LRMDA: variants seen among roughly 807,000 people sequenced by gnomAD.
LRMDA encodes leucine-rich melanocyte differentiation-associated protein.
Under a neutral mutation model 29.8 loss-of-function variants are expected in LRMDA, and 18 were observed. The observed-to-expected ratio is 0.60, with a 90% confidence interval of 0.42 to 0.90. The LOEUF (loss-of-function observed/expected upper bound fraction) is 0.90, where lower values mean the gene tolerates loss of function less well. Among genes scored for constraint, LRMDA ranks in the 40% least tolerant of loss-of-function variants. The pLI is 0.00. For missense variants in LRMDA, 273 were observed against 273.9 expected, an observed-to-expected ratio of 1.00 and a Z score of 0.02; for synonymous variants, 125 against 109.4, an observed-to-expected ratio of 1.14 and a Z score of -0.89.
Position 75,537,795 on chromosome 10 carries a change from CCTCCTT to C in LRMDA, c.131+99302_131+99307del, listed in dbSNP as rs1367591854. Among the ~76,000 whole-genome samples, 10 of 152,298 alleles carry C rather than the reference CCTCCTT, an allele frequency of 6.6e-5. No individual in the cohort carries two copies. The South Asian group carries it at 2.1e-3, about 32-fold the overall frequency. The stretch of plus-strand genomic sequence containing the variant: ...TTTAATCACTCCTATCTGTTTTTCC[CCTCCTT>C]TCTAGAGATGTTCCATACTTCTCAA... On this transcript the variant is annotated intron_variant, in intron 2 of 6. Coordinates refer to ENST00000611255, the MANE Select transcript of LRMDA (RefSeq NM_001305581.2).
rs143739888 is a variant in LRMDA at position 75,841,608 on chromosome 10, GT to G, written c.132-194399del. Among the ~76,000 whole-genome samples the G allele has an allele frequency of 9.3e-3, 1,411 of 152,298 alleles. 50 individuals carry two copies. The highest frequency in any genetic ancestry group is 0.083 in the East Asian group (428 of 5,180). Reference sequence around the variant, plus strand: ...AAGACTTACCTGTGAATGAGGTCTGGTGGTAACTTATGTTCAAGCCTGGTGA... The same window carrying G: ...AAGACTTACCTGTGAATGAGGTCTGGGGTAACTTATGTTCAAGCCTGGTGA... On this transcript the variant is annotated intron_variant, in intron 2 of 6. Coordinates refer to ENST00000611255, the MANE Select transcript of LRMDA (RefSeq NM_001305581.2).
chr10:76,549,041 A>G (rs1329617285), intron 6 of LRMDA, among the ~76,000 whole-genome samples: 1 of 152,284 alleles, frequency 6.6e-6, no homozygotes, highest in Non-Finnish European at 1.5e-5. Flanking sequence ...CCACTGACAG[A>G]TTATATGACA....
At chr10:76,246,331 A>G (rs1316384240) in intron 5 of LRMDA, among the ~76,000 whole-genome samples, 1 of 152,242 alleles carries the variant, frequency 6.6e-6, no homozygotes, top group Non-Finnish European at 1.5e-5. Flanking sequence ...ATCAGAGATC[A>G]GGTTTCTAAC....
In LRMDA at chr10:76,436,516, G is replaced by T. The variant is rs982871375; in HGVS notation, c.601+112031G>T. Among the ~76,000 whole-genome samples, 4 of 152,142 alleles carry T rather than the reference G, an allele frequency of 2.6e-5. No homozygotes were observed. The East Asian group carries it at 7.7e-4, about 29-fold the overall frequency. ...TACGGGTTTCAAAGTGAACCCTTGT[G>T]CAGGGAGGTGTGGCACTCCCTGTGC... On this transcript the variant is annotated intron_variant, in intron 6 of 6. Coordinates refer to ENST00000611255, the MANE Select transcript of LRMDA (RefSeq NM_001305581.2).
chr10:75,965,383 G>C (rs1352702665), intron 2 of LRMDA, among the ~76,000 whole-genome samples: 1 of 152,146 alleles, frequency 6.6e-6, no homozygotes, highest in African/African-American at 2.4e-5. Context: ...AAAGAGTTTG[G>C]ATTCATAACC....
chr10:75,893,059 TA>T (rs1845520832), intron 2 of LRMDA, among the ~76,000 whole-genome samples: 1 of 152,110 alleles, frequency 6.6e-6, no homozygotes, highest in Non-Finnish European at 1.5e-5. Flanking sequence ...TGGCTTTCAG[TA>T]AAGGTTCACT....
Position 75,506,458 on chromosome 10 carries a change from T to C in LRMDA, c.131+67964T>C, listed in dbSNP as rs1845169250. On this transcript the variant is annotated intron_variant, in intron 2 of 6. Coordinates refer to ENST00000611255, the MANE Select transcript of LRMDA (RefSeq NM_001305581.2). ...GATTTCTTAAAAAATCAATCATTCA[T>C]TTATTTTTTTCATTCATTTCTGTTG... Among the ~76,000 whole-genome samples the C allele has an allele frequency of 3.1e-5, 4 of 129,880 alleles. No homozygotes were observed. In the South Asian group the frequency reaches 7.5e-4, roughly 24 times the overall value. 85.2% of individuals were successfully genotyped at this position (129,880 alleles called of 152,430 possible).
intron 2 of LRMDA, among the ~76,000 whole-genome samples, chr10:75,729,082 C>T (rs1453026281): frequency 6.6e-6 from 1 of 152,212 alleles, no homozygotes; most frequent in Admixed American, 6.5e-5. Context: ...CCAGCCCTCT[C>T]TTTTGCCACA....
At chr10:75,669,079 T>C (rs1228709155) in intron 2 of LRMDA, among the ~76,000 whole-genome samples, 1 of 152,230 alleles carries the variant, frequency 6.6e-6, no homozygotes, top group Admixed American at 6.5e-5. Context: ...AGTTGTCAGC[T>C]ACCAGCATTT....
At chr10:76,545,541 G>A (rs1201306438) in intron 6 of LRMDA, among the ~76,000 whole-genome samples, 2 of 151,740 alleles carry the variant, frequency 1.3e-5, no homozygotes, top group East Asian at 3.9e-4. Flanking sequence ...CATATCCAAA[G>A]AAACTGTTTT....
chr10:75,616,418 A>G (rs1038085623), intron 2 of LRMDA, among the ~76,000 whole-genome samples: 1 of 152,206 alleles, frequency 6.6e-6, no homozygotes, highest in Non-Finnish European at 1.5e-5. Flanking sequence ...ATCAACAGGA[A>G]AAGTAAATCA....
intron 2 of LRMDA, among the ~76,000 whole-genome samples, chr10:75,456,222 G>A (rs775255454): frequency 9.9e-5 from 15 of 152,268 alleles, no homozygotes; most frequent in East Asian, 1.9e-4. Flanking sequence ...CCTGCGTTTC[G>A]GCCCTGACAC....
chr10:75,991,926 G>T (rs1847376978), intron 2 of LRMDA, among the ~76,000 whole-genome samples: 1 of 152,182 alleles, frequency 6.6e-6, no homozygotes, highest in African/African-American at 2.4e-5. Flanking sequence ...CATAGTGTTT[G>T]ACATCTCCTT....
chr10:75,930,805 A>G (rs1197504478), intron 2 of LRMDA, among the ~76,000 whole-genome samples: 1 of 152,208 alleles, frequency 6.6e-6, no homozygotes, highest in Non-Finnish European at 1.5e-5. Flanking sequence ...GTAATCTTGG[A>G]CATTAAAAAC....
At chr10:75,537,130 T>C (rs905104985) in intron 2 of LRMDA, among the ~76,000 whole-genome samples, 2 of 152,216 alleles carry the variant, frequency 1.3e-5, no homozygotes, top group African/African-American at 4.8e-5. Context: ...TCTGTCACAC[T>C]ATATGCTGAA....
At chr10:75,548,564 C>T (rs1422292618) in intron 2 of LRMDA, among the ~76,000 whole-genome samples, 1 of 152,180 alleles carries the variant, frequency 6.6e-6, no homozygotes, top group Non-Finnish European at 1.5e-5. Flanking sequence ...ATTTTCAGCA[C>T]AGGAGCCCCA....
At chr10:76,367,313 G>A (rs1841402269) in intron 6 of LRMDA, among the ~76,000 whole-genome samples, 1 of 152,136 alleles carries the variant, frequency 6.6e-6, no homozygotes, top group Non-Finnish European at 1.5e-5. Flanking sequence ...TTGTGGAATA[G>A]TGTCAAAAGG....
chr10:76,537,936 A>C (rs1405064232), intron 6 of LRMDA, among the ~76,000 whole-genome samples: 2 of 152,232 alleles, frequency 1.3e-5, no homozygotes, highest in African/African-American at 4.8e-5. Flanking sequence ...TAATTTGAGA[A>C]GGATAATAGC....
intron 2 of LRMDA, among the ~76,000 whole-genome samples, chr10:75,910,761 A>G (rs943604200): frequency 2.0e-5 from 3 of 152,202 alleles, no homozygotes; most frequent in African/African-American, 4.8e-5. Flanking sequence ...TAGCCAGGCC[A>G]AGTTCATCAA....
Sources: gnomAD v4.1 joint callset for allele counts (sites outside exome capture counted in the v4.1 genomes callset) on GRCh38, gnomAD v4.1.1 for gene constraint, MANE v1.5 for transcripts, NCBI Gene and HGNC (gene_info 2026-07-23, HGNC 2026-07-21) for gene names.